BCKDHB: variants seen among roughly 807,000 people sequenced by gnomAD.
The protein encoded by BCKDHB is branched chain keto acid dehydrogenase E1 subunit beta.
A neutral mutation model predicts 48.5 loss-of-function variants in BCKDHB; 41 were observed. The ratio of observed to expected loss-of-function variants is 0.85; its 90% CI spans 0.66 to 1.10. BCKDHB has a LOEUF of 1.10. Ranked by LOEUF, BCKDHB falls within the 50% of genes least tolerant of loss-of-function variation. The probability of loss-of-function intolerance (pLI) is 0.00; values close to 1 mark genes in which losing one functional copy is unlikely to be tolerated. For missense variants in BCKDHB, 496 were observed against 494.2 expected (o/e 1.00, Z -0.03); for synonymous variants, 201 against 174.8 (o/e 1.15, Z -1.18).
chr6:80,449,636 A>G, the BCKDHB span, among the ~76,000 whole-genome samples: 1 of 152,344 alleles, frequency 6.6e-6, no homozygotes, highest in Non-Finnish European at 1.5e-5. Context: ...AAAACCCTTT[A>G]TAGATGTTGT....
chr6:80,177,087 TGTCATGGCATGCGCCTGTG>T (rs1175771470), intron 6 of BCKDHB, among the ~76,000 whole-genome samples: 1 of 151,430 alleles, frequency 6.6e-6, no homozygotes, highest in Admixed American at 6.6e-5. Flanking sequence ...TGTAGCCAGG[TGTCATGGCATGCGCCTGTG>T]GTCCTAGCTA....
chr6:80,374,204 T>A, the BCKDHB span: 1 of 729,566 alleles, frequency 1.4e-6, no homozygotes, highest in Non-Finnish European at 2.5e-6. Flanking sequence ...ACATCTTAGA[T>A]GCTTTATTCA....
intron 9 of BCKDHB, among the ~76,000 whole-genome samples, chr6:80,327,746 T>G (rs972503219): frequency 6.6e-6 from 1 of 152,216 alleles, no homozygotes; most frequent in African/African-American, 2.4e-5. Context: ...TGGCCAGCTT[T>G]TATGTACTTT....
the BCKDHB span, among the ~76,000 whole-genome samples, chr6:80,411,436 G>A: frequency 6.6e-6 from 1 of 152,208 alleles, no homozygotes; most frequent in Non-Finnish European, 1.5e-5. Flanking sequence ...CACTTGAGGA[G>A]GCATTCTGTC....
chr6:80,229,893 A>C (rs1413833875), intron 8 of BCKDHB, among the ~76,000 whole-genome samples: 1 of 152,066 alleles, frequency 6.6e-6, no homozygotes, highest in Non-Finnish European at 1.5e-5. Flanking sequence ...GGATACATAA[A>C]GAAAAGAATA....
the BCKDHB span, among the ~76,000 whole-genome samples, chr6:80,451,005 C>A: frequency 1.3e-5 from 2 of 152,200 alleles, no homozygotes; most frequent in African/African-American, 2.4e-5. Context: ...CAACTAAAGA[C>A]GTCATGAGGA....
At chr6:80,337,795 A>C (rs1769673164) in intron 9 of BCKDHB, among the ~76,000 whole-genome samples, 1 of 152,166 alleles carries the variant, frequency 6.6e-6, no homozygotes, top group Admixed American at 6.5e-5. Context: ...GATGTTTCTC[A>C]TTGGTCCAAG....
chr6:80,426,475 G>A, the BCKDHB span, among the ~76,000 whole-genome samples: 2 of 151,952 alleles, frequency 1.3e-5, no homozygotes, highest in African/African-American at 4.8e-5. Flanking sequence ...AAATTTTCCT[G>A]TAAGCACTGC....
intron 9 of BCKDHB, among the ~76,000 whole-genome samples, chr6:80,301,383 T>C (rs1767571655): frequency 6.6e-6 from 1 of 152,106 alleles, no homozygotes. Flanking sequence ...GAGATCCTCA[T>C]AGAATACTGT....
intron 8 of BCKDHB, among the ~76,000 whole-genome samples, chr6:80,232,289 T>A (rs1775958661): frequency 6.6e-6 from 1 of 152,056 alleles, no homozygotes. Context: ...CTTTTTTTTT[T>A]TAATCTCTAC....
chr6:80,426,564 G>C, the BCKDHB span, among the ~76,000 whole-genome samples: 19 of 151,970 alleles, frequency 1.3e-4, no homozygotes, highest in African/African-American at 4.6e-4. Context: ...TTTTCCATGT[G>C]ATGTCTTCTT....
rs575991853 is a variant in BCKDHB at position 80,177,225 on chromosome 6, C to CA, written c.742+5865dup. The stretch of plus-strand genomic sequence containing the variant: ...CCTGGATGACAGTGAGACCTTGTCT[C>CA]AAAAAAAAAAAAAAAAAAAAAAAAA... On this transcript the variant is annotated intron_variant, in intron 6 of 9. Transcript: ENST00000320393. Among the ~76,000 whole-genome samples, 162 of 43,154 alleles carry CA rather than the reference C, an allele frequency of 3.8e-3. 15 individuals are homozygous for CA. Among genetic ancestry groups the CA allele is most frequent in the African/African-American group, 7.6e-3 (79 of 10,462 alleles). 28.3% of individuals were successfully genotyped at this position (43,154 alleles called of 152,430 possible). A position where few individuals can be genotyped will look rare whatever the true frequency, so the allele number is the denominator to read the frequency against.
rs767945760 is a variant in BCKDHB, at chr6:80,203,182, A to G, written c.921A>G (p.Ile307Met). 16 of 1,611,148 alleles carry G rather than the reference A, an allele frequency of 9.9e-6. No homozygotes were observed. The Admixed American group carries it at 1.3e-4, about 13-fold the overall frequency. ...VSCEVIDLRT[I>M]IPWDVDTICK... is the part of the protein sequence containing the mutation. ...GTGAAGTCATTGATCTGAGGACTAT[A>G]ATACCTTGGGATGTGGACACAATTT... Residue 307 changes from isoleucine to methionine, a missense_variant, in exon 8 of 10, where the codon ATA becomes ATG. Ile to Met is a conservative substitution (Grantham distance 10). Coordinates refer to ENST00000320393, the MANE Select transcript of BCKDHB (RefSeq NM_183050.4).
the BCKDHB span, among the ~76,000 whole-genome samples, chr6:80,410,668 T>A: frequency 2.0e-5 from 3 of 152,226 alleles, no homozygotes; most frequent in Non-Finnish European, 2.9e-5. Context: ...TCTAATCTTG[T>A]CTTCTCACTT....
chr6:80,396,477 A>G, the BCKDHB span, among the ~76,000 whole-genome samples: 1 of 152,298 alleles, frequency 6.6e-6, no homozygotes, highest in South Asian at 2.1e-4. Context: ...AAGACTTTGC[A>G]AGACTGTTGG....
chr6:80,429,197 T>C, the BCKDHB span, among the ~76,000 whole-genome samples: 1 of 152,232 alleles, frequency 6.6e-6, no homozygotes, highest in Non-Finnish European at 1.5e-5. Flanking sequence ...TGTGGTGTTA[T>C]TTCTGAGGCT....
chr6:80,251,192 CTTG>C (rs1449287450), intron 8 of BCKDHB, among the ~76,000 whole-genome samples: 4 of 152,134 alleles, frequency 2.6e-5, no homozygotes, highest in South Asian at 4.1e-4. Flanking sequence ...ACCTAGGCCT[CTTG>C]TTGTTAACAA....
At chr6:80,187,489 G>A (rs1389510653) in intron 6 of BCKDHB, among the ~76,000 whole-genome samples, 1 of 152,088 alleles carries the variant, frequency 6.6e-6, no homozygotes, top group Non-Finnish European at 1.5e-5. Flanking sequence ...GGGGTCAGCT[G>A]ATATTTAGCC....
At chr6:80,121,533 TTTG>T (rs1770017362) in intron 1 of BCKDHB, among the ~76,000 whole-genome samples, 1 of 152,238 alleles carries the variant, frequency 6.6e-6, no homozygotes, top group Non-Finnish European at 1.5e-5. Flanking sequence ...CCTCTTTTAT[TTTG>T]TTGAGCAGTG....
Sources: allele counts gnomAD v4.1 joint callset (sites outside exome capture counted in the v4.1 genomes callset), GRCh38; gene constraint gnomAD v4.1.1; transcripts MANE v1.5; gene names NCBI Gene and HGNC (gene_info 2026-07-23, HGNC 2026-07-21).